GLMN: variants seen among roughly 807,000 people sequenced by gnomAD.
The protein encoded by GLMN is glomulin.
Under a neutral mutation model 87.8 loss-of-function variants are expected in GLMN, and 75 were observed. The ratio of observed to expected loss-of-function variants is 0.85; its 90% CI spans 0.71 to 1.04. The LOEUF (loss-of-function observed/expected upper bound fraction) is 1.04, where lower values mean the gene tolerates loss of function less well. Ranked by LOEUF, GLMN falls within the 50% of genes least tolerant of loss-of-function variation. The pLI is 0.00. For synonymous variants in GLMN, 206 were observed against 221.6 expected (o/e 0.93, Z 0.63); for missense variants, 588 against 658.8 (o/e 0.89, Z 1.18).
the GLMN span, among the ~76,000 whole-genome samples, chr1:92,326,578 A>G: frequency 6.6e-6 from 1 of 152,244 alleles, no homozygotes; most frequent in Non-Finnish European, 1.5e-5. Flanking sequence ...AAGGACCGTC[A>G]TGGGGGCAGG....
intron 16 of GLMN, among the ~76,000 whole-genome samples, chr1:92,253,154 T>TACCAAACCTGC (rs1553134084): frequency 2.0e-5 from 3 of 151,598 alleles, no homozygotes; most frequent in Non-Finnish European, 2.9e-5. Context: ...TATGCCCCTG[T>TACCAAACCTGC]ACCAAACCTG....
At chr1:92,311,693 T>C in the GLMN span, among the ~76,000 whole-genome samples, 9 of 152,336 alleles carry the variant, frequency 5.9e-5, no homozygotes, top group East Asian at 1.5e-3. Flanking sequence ...CTTGGAGATA[T>C]TGCAGGTTTG....
At chr1:92,259,741 T>TC (rs1654768945) in intron 16 of GLMN, among the ~76,000 whole-genome samples, 1 of 133,624 alleles carries the variant, frequency 7.5e-6, no homozygotes, top group Admixed American at 7.3e-5. Context: ...TCTTTTTTTT[T>TC]TTTTTTTTTT....
the GLMN span, among the ~76,000 whole-genome samples, chr1:92,344,515 T>C: frequency 3.3e-5 from 5 of 152,242 alleles, no homozygotes; most frequent in African/African-American, 7.2e-5. Context: ...TTTATAAATA[T>C]GCCACAGTTT....
At position 92,269,763 on chromosome 1, in the gene GLMN, A is replaced by G; in HGVS notation, c.937T>C (p.Leu313=). ...TCAATGTGCCCCATATTAAACTGCAAAAGGTACAATGGGCTAAAATAGAAA... is the reference window on the plus strand; with the variant it reads ...TCAATGTGCCCCATATTAAACTGCAGAAGGTACAATGGGCTAAAATAGAAA... ...LPMVLSPLYL[L]QFNMGHIEVF... Residue 313 remains leucine (L), a synonymous_variant, in exon 9 of 19, where the codon TTG becomes CTG. Coordinates refer to ENST00000370360, the MANE Select transcript of GLMN (RefSeq NM_053274.3). 1 of 1,604,826 alleles carries G rather than the reference A, an allele frequency of 6.2e-7. No homozygotes were observed.
intron 13 of GLMN, among the ~76,000 whole-genome samples, chr1:92,265,854 C>T (rs1197355991): frequency 1.3e-5 from 2 of 152,148 alleles, no homozygotes; most frequent in Admixed American, 1.3e-4. Context: ...CACCCATCCC[C>T]AATACAAAGT....
chr1:92,253,381 GAGC>G lies in GLMN; in HGVS notation c.1474-5395_1474-5393del, dbSNP rs750239530. Among the ~76,000 whole-genome samples, 9 of 152,308 alleles carry G rather than the reference GAGC, an allele frequency of 5.9e-5. No homozygotes were observed. In the East Asian group the frequency reaches 1.4e-3, roughly 23 times the overall value. ...CATTCCTGCCTGCCAGCTCTGAAGA[GAGC>G]AGCAGATCTCTCAGCACAGCGCTTG... On this transcript the variant is annotated intron_variant, in intron 16 of 18. Transcript: ENST00000370360.
chr1:92,323,087 A>T, the GLMN span, among the ~76,000 whole-genome samples: 37,370 of 146,360 alleles, frequency 0.26, 6,154 homozygotes, highest in Non-Finnish European at 0.35. Flanking sequence ...ATATATATAT[A>T]TATATTTGCA....
chr1:92,266,841 T>A, intron 11 of GLMN, 100 bp from the exon 12 acceptor site: 1 of 769,042 alleles, frequency 1.3e-6, no homozygotes, highest in Non-Finnish European at 2.2e-6. Flanking sequence ...TTCAGAGAAG[T>A]GAGGGTAGGA....
At chr1:92,337,868 G>A in the GLMN span, among the ~76,000 whole-genome samples, 1 of 151,926 alleles carries the variant, frequency 6.6e-6, no homozygotes, top group African/African-American at 2.4e-5. Context: ...ACTACTAGTA[G>A]GTAATACATT....
At chr1:92,266,540 C>A in intron 12 of GLMN, 48 bp from the exon 13 acceptor site, 1 of 1,215,612 alleles carries the variant, frequency 8.2e-7, no homozygotes, top group South Asian at 1.2e-5. Flanking sequence ...TAAAGCTTAC[C>A]CAGACTTCAT....
chr1:92,322,143 A>G, the GLMN span, among the ~76,000 whole-genome samples: 1 of 151,240 alleles, frequency 6.6e-6, no homozygotes, highest in Non-Finnish European at 1.5e-5. Context: ...ACAGGGTTTC[A>G]CTATGTTGGC....
the GLMN span, among the ~76,000 whole-genome samples, chr1:92,356,434 T>C: frequency 6.6e-6 from 1 of 152,092 alleles, no homozygotes; most frequent in African/African-American, 2.4e-5. Flanking sequence ...TTTTTATTTT[T>C]TGAGACAGAA....
At chr1:92,291,569 C>T (rs746791891) in intron 3 of GLMN, 32 bp from the exon 4 acceptor site, 2 of 1,609,662 alleles carry the variant, frequency 1.2e-6, no homozygotes, top group Non-Finnish European at 1.7e-6. Flanking sequence ...AAAGCAAACA[C>T]TGCCATCTAT....
chr1:92,247,975 T>C lies in GLMN; in HGVS notation c.1488A>G (p.Thr496=). 7.9e-7 allele frequency: 1 copy of C among 1,262,272 alleles called. No homozygotes were observed. The highest frequency in any genetic ancestry group is 1.2e-6 in the Non-Finnish European group (1 of 860,706). The allele number at this position is 1,262,272 out of a possible 1,614,324, so 78.2% of individuals were successfully genotyped here. Residue 496 remains threonine (T), a synonymous_variant, in exon 17 of 19, where the codon ACA becomes ACG. Coordinates refer to ENST00000370360, the MANE Select transcript of GLMN (RefSeq NM_053274.3). ...NENDNQTGLW[T]ELGNIENNFL... is the part of the protein sequence containing the mutation. The stretch of plus-strand genomic sequence containing the variant: ...AATTATTCTCAATATTTCCAAGTTC[T>C]GTCCATAATCCAGTCTGTTAAGAAT...
At chr1:92,369,018 CA>C in the GLMN span, among the ~76,000 whole-genome samples, 2 of 152,286 alleles carry the variant, frequency 1.3e-5, no homozygotes, top group Middle Eastern at 3.4e-3. Flanking sequence ...GAGTTGTTTT[CA>C]AATTATATTC....
At chr1:92,306,102 T>C in the GLMN span, among the ~76,000 whole-genome samples, 2 of 152,202 alleles carry the variant, frequency 1.3e-5, no homozygotes, top group Admixed American at 6.5e-5. Flanking sequence ...GAAGATAATA[T>C]GCTAAGTGAA....
At chr1:92,266,562 T>TG in intron 12 of GLMN, 70 bp from the exon 13 acceptor site, 3 of 1,054,306 alleles carry the variant, frequency 2.8e-6, no homozygotes, top group Non-Finnish European at 4.4e-6. Flanking sequence ...ACTATCCATT[T>TG]TATGCATGTA....
chr1:92,299,100 T>G, upstream of GLMN: 1 of 1,520,280 alleles, frequency 6.6e-7, no homozygotes, highest in South Asian at 1.2e-5. Flanking sequence ...GGCCGTCTTC[T>G]GCCGGCCGCA....
Sources: gnomAD v4.1 joint callset for allele counts (sites outside exome capture counted in the v4.1 genomes callset) on GRCh38, gnomAD v4.1.1 for gene constraint, MANE v1.5 for transcripts, NCBI Gene and HGNC (gene_info 2026-07-23, HGNC 2026-07-21) for gene names.